The following SCYL2 variants were observed in gnomAD, a reference collection of about 807,000 sequenced individuals.
The protein encoded by SCYL2 is SCY1-like protein 2.
In SCYL2, 36 loss-of-function variants were observed where a neutral mutation model predicts 100.4. The ratio of observed to expected loss-of-function variants is 0.36; its 90% CI spans 0.27 to 0.47. The LOEUF (loss-of-function observed/expected upper bound fraction) is 0.47, where lower values mean the gene tolerates loss of function less well. Ranked by LOEUF, SCYL2 falls within the 20% of genes least tolerant of loss-of-function variation. The pLI, the probability that SCYL2 is intolerant of heterozygous loss-of-function variation, is 1.00. For synonymous variants in SCYL2, 330 were observed against 359.2 expected, an observed-to-expected ratio of 0.92 and a Z score of 0.92; for missense variants, 902 against 1,083.9, an observed-to-expected ratio of 0.83 and a Z score of 2.36.
intron 6 of SCYL2, 96 bp from the exon 7 acceptor site, chr12:100,313,326 T>C (rs2096344496): frequency 3.7e-6 from 2 of 543,948 alleles, no homozygotes; most frequent in African/African-American, 1.9e-5. Flanking sequence ...AGTATATTTG[T>C]AGTAAAATAT....
At chr12:100,270,337 T>G (rs1024456670) in intron 1 of SCYL2, among the ~76,000 whole-genome samples, 5 of 152,146 alleles carry the variant, frequency 3.3e-5, no homozygotes, top group Non-Finnish European at 1.5e-5. Flanking sequence ...TTTAAGGAAG[T>G]GATCATTTAA....
At chr12:100,283,991 C>CA (rs34654501) in intron 2 of SCYL2, among the ~76,000 whole-genome samples, 1 of 152,056 alleles carries the variant, frequency 6.6e-6, no homozygotes, top group Non-Finnish European at 1.5e-5. Flanking sequence ...TAAGCTCATC[C>CA]AAAAAAGTAA....
At chr12:100,306,179 A>C (rs980942589) in intron 4 of SCYL2, among the ~76,000 whole-genome samples, 1 of 152,146 alleles carries the variant, frequency 6.6e-6, no homozygotes, top group African/African-American at 2.4e-5. Context: ...CTGATACCAA[A>C]ACCTGGCAGA....
At chr12:100,273,814 C>G (rs2096289930) in intron 1 of SCYL2, among the ~76,000 whole-genome samples, 1 of 152,198 alleles carries the variant, frequency 6.6e-6, no homozygotes, top group Non-Finnish European at 1.5e-5. Flanking sequence ...ATTGCTGTAA[C>G]TCTTTGGAGG....
intron 1 of SCYL2, among the ~76,000 whole-genome samples, chr12:100,268,123 C>G (rs530136186): frequency 6.6e-6 from 1 of 152,332 alleles, no homozygotes; most frequent in South Asian, 2.1e-4. Context: ...CTCGAGGAGG[C>G]TCCAGACAAG....
At chr12:100,277,023 A>G (rs1158100262) in intron 1 of SCYL2, among the ~76,000 whole-genome samples, 1 of 152,064 alleles carries the variant, frequency 6.6e-6, no homozygotes, top group African/African-American at 2.4e-5. Flanking sequence ...AGCGTTGATT[A>G]ATTTCCATAT....
chr12:100,292,361 G>T (rs180679111), intron 3 of SCYL2, among the ~76,000 whole-genome samples: 1 of 152,244 alleles, frequency 6.6e-6, no homozygotes, highest in Non-Finnish European at 1.5e-5. Flanking sequence ...TGGTATTTGT[G>T]TCCTGTGGCC....
intron 8 of SCYL2, among the ~76,000 whole-genome samples, chr12:100,315,347 C>T (rs1470706989): frequency 6.6e-6 from 1 of 152,116 alleles, no homozygotes; most frequent in African/African-American, 2.4e-5. Flanking sequence ...CGTGTGTCCC[C>T]TTTTACCCAT....
At chr12:100,293,544 T>G (rs1485770080) in intron 3 of SCYL2, among the ~76,000 whole-genome samples, 1 of 152,066 alleles carries the variant, frequency 6.6e-6, no homozygotes, top group Admixed American at 6.5e-5. Flanking sequence ...ATTTTTTATT[T>G]TTTATTGATC....
intron 17 of SCYL2, among the ~76,000 whole-genome samples, 158 bp from the exon 18 acceptor site, chr12:100,338,370 C>T (rs931068777): frequency 6.6e-6 from 1 of 152,072 alleles, no homozygotes; most frequent in Non-Finnish European, 1.5e-5. Context: ...AAATAGGTGG[C>T]AGGCTGTATT....
rs1244951283 is a variant in SCYL2 at position 100,321,570 on chromosome 12, C to CT, written c.1396-1948dup. 7.2e-5 allele frequency among the ~76,000 whole-genome samples: 11 copies of CT among 152,130 alleles called. No individual in the cohort carries two copies. In the East Asian group the frequency reaches 1.9e-3, roughly 27 times the overall value. ...ATTAGTTAACAAGAATGTTTTAAATCTTTTTTTCCCCCATTTCTGAGTTAT... is the reference window on the plus strand; with the variant it reads ...ATTAGTTAACAAGAATGTTTTAAATCTTTTTTTTCCCCCATTTCTGAGTTAT... On this transcript the variant is annotated intron_variant, in intron 10 of 17. Transcript: ENST00000360820.
chr12:100,317,651 T>G, intron 9 of SCYL2, 152 bp from the exon 10 acceptor site: 1 of 1,403,508 alleles, frequency 7.1e-7, no homozygotes, highest in Non-Finnish European at 9.2e-7. Context: ...AGAGACTTGA[T>G]TTGTGTGTTT....
chr12:100,297,234 C>T (rs1406519774), intron 3 of SCYL2, among the ~76,000 whole-genome samples: 2 of 152,160 alleles, frequency 1.3e-5, no homozygotes, highest in African/African-American at 2.4e-5. Context: ...GATCTTTATA[C>T]TAACCCTTCA....
At chr12:100,322,199 C>T (rs1468271969) in intron 10 of SCYL2, among the ~76,000 whole-genome samples, 2 of 150,616 alleles carry the variant, frequency 1.3e-5, no homozygotes, top group Non-Finnish European at 3.0e-5. Context: ...AGTGAAACCC[C>T]GTCTCTACTA....
chr12:100,304,611 AG>A (rs2096331857), intron 4 of SCYL2, among the ~76,000 whole-genome samples: 1 of 152,168 alleles, frequency 6.6e-6, no homozygotes, highest in African/African-American at 2.4e-5. Flanking sequence ...AGGCAAAACC[AG>A]CTAGCATCAT....
chr12:100,267,723 C>G lies in SCYL2; in HGVS notation c.-98C>G, dbSNP rs7316134. 2,610 of 152,406 alleles carry G rather than the reference C, an allele frequency of 0.017. 74 individuals carry two copies. The highest frequency in any genetic ancestry group is 0.059 in the African/African-American group (2,442 of 41,516). The allele number at this position is 152,406 out of a possible 1,614,324, so 9.4% of individuals were successfully genotyped here. ...GGAGGGAGAGCCCCCCATGCCGGCT[C>G]GAGAGCTCGGGTTTCGGTGGTGGAG... is the stretch of plus-strand genomic sequence containing the variant. On this transcript the variant is annotated 5_prime_UTR_variant, in exon 1 of 18. Transcript: ENST00000360820.
chr12:100,302,759 G>T (rs2096329443), intron 4 of SCYL2, among the ~76,000 whole-genome samples: 1 of 152,100 alleles, frequency 6.6e-6, no homozygotes, highest in African/African-American at 2.4e-5. Flanking sequence ...AAGTATCTTT[G>T]TGGTGTTCTC....
At chr12:100,295,693 CAGAG>C (rs1166356242) in intron 3 of SCYL2, among the ~76,000 whole-genome samples, 2 of 150,882 alleles carry the variant, frequency 1.3e-5, no homozygotes, top group Non-Finnish European at 2.9e-5. Flanking sequence ...ACCGTGGAAA[CAGAG>C]GGAGAGGGAG....
At chr12:100,276,918 A>G (rs901203814) in intron 1 of SCYL2, among the ~76,000 whole-genome samples, 3 of 152,114 alleles carry the variant, frequency 2.0e-5, no homozygotes, top group African/African-American at 4.8e-5. Context: ...ACTGCTTTAG[A>G]TATGACCCAC....
Sources: allele counts gnomAD v4.1 joint callset (sites outside exome capture counted in the v4.1 genomes callset), GRCh38; gene constraint gnomAD v4.1.1; transcripts MANE v1.5; gene names NCBI Gene and HGNC (gene_info 2026-07-23, HGNC 2026-07-21).